The following GEN1 variants were observed in gnomAD, a reference collection of about 807,000 sequenced individuals.
GEN1 encodes GEN1 structure-specific endonuclease.
Under a neutral mutation model 67.6 loss-of-function variants are expected in GEN1, and 64 were observed. The observed-to-expected ratio is 0.95, with a 90% CI of 0.77 to 1.17. GEN1 has a LOEUF of 1.17. Among genes scored for constraint, GEN1 ranks in the 50% most tolerant of loss-of-function variants. GEN1 has a pLI of 0.00. For missense variants in GEN1, 1,058 were observed against 1,048.3 expected (o/e 1.01, Z -0.13); for synonymous variants, 371 against 359.4 (o/e 1.03, Z -0.37).
chr2:17,780,333 A>C (rs992967411), intron 13 of GEN1, among the ~76,000 whole-genome samples: 1 of 152,252 alleles, frequency 6.6e-6, no homozygotes, highest in African/African-American at 2.4e-5. Flanking sequence ...TAACTTAGAC[A>C]CGTGTTAATA....
rs375762702 is a variant in GEN1, at chr2:17,759,913, G to A, written c.-15-16G>A. On this transcript the variant is annotated splice_polypyrimidine_tract_variant and intron_variant, in intron 1 of 13. Coordinates refer to ENST00000381254, the MANE Select transcript of GEN1 (RefSeq NM_001130009.3). ...TTTCTTTAACAATATTTTGTAAAGT[G>A]TGTTTCACATAACAGCAGATAATCA... The A allele has an allele frequency of 6.8e-6, 11 of 1,607,648 alleles. No homozygotes were observed. In the African/African-American group the frequency reaches 1.1e-4, roughly 16 times the overall value.
At chr2:17,766,551 G>T (rs373690883) in intron 4 of GEN1, 28 bp from the exon 5 acceptor site, 52 of 1,174,168 alleles carry the variant, frequency 4.4e-5, no homozygotes, top group Non-Finnish European at 6.0e-5. Flanking sequence ...ACTTTTTGAG[G>T]ATTAAACTAA....
chr2:17,776,915 A>C (rs1672460012), intron 11 of GEN1, among the ~76,000 whole-genome samples: 1 of 152,188 alleles, frequency 6.6e-6, no homozygotes, highest in Non-Finnish European at 1.5e-5. Flanking sequence ...AGTTGAGGCC[A>C]GGGATTCTAG....
chr2:17,760,123 C>A lies in GEN1; in HGVS notation c.161+19C>A. ...ACCTCAGGTATAGTAAAAGCTCTTA[C>A]AGTATAAATGTATGATGTATAAACA... On this transcript the variant is annotated intron_variant, in intron 2 of 13. Transcript: ENST00000381254. 1.2e-6 allele frequency: 2 copies of A among 1,610,602 alleles called. No individual in the cohort carries two copies. Among genetic ancestry groups the A allele is most frequent in the South Asian group, 2.2e-5 (2 of 90,732 alleles).
At chr2:17,772,952 T>C in intron 8 of GEN1, 144 bp from the exon 9 acceptor site, 1 of 799,978 alleles carries the variant, frequency 1.3e-6, no homozygotes, top group Admixed American at 2.9e-5. Context: ...GATAGTAATG[T>C]AATAGTTATT....
intron 1 of GEN1, among the ~76,000 whole-genome samples, chr2:17,759,475 G>A (rs1301183688): frequency 6.6e-6 from 1 of 152,130 alleles, no homozygotes; most frequent in Non-Finnish European, 1.5e-5. Context: ...AGAAAGTTAT[G>A]TCCATCAGTA....
chr2:17,766,090 C>A (rs938719913), intron 4 of GEN1, among the ~76,000 whole-genome samples: 1 of 152,114 alleles, frequency 6.6e-6, no homozygotes, highest in Non-Finnish European at 1.5e-5. Context: ...ACTTTATTTT[C>A]ATATATTGAA....
In GEN1 at chr2:17,774,355, G is replaced by A. The variant is rs1463546541; in HGVS notation, c.1156G>A (p.Glu386Lys). The part of the protein sequence containing the change: ...LVLLTHYDMI[E>K]RKLGSRNSNQ... ...ACTTTTGACCCATTATGACATGATA[G>A]AAAGAAAGCTTGGTAGCAGAAACTC... The change falls in exon 11 of 14, where the codon GAA (glutamate) becomes AAA (lysine). Residue 386 changes from glutamate to lysine, a missense_variant. Transcript: ENST00000381254. The A allele has an allele frequency of 1.9e-6, 3 of 1,605,960 alleles. No individual in the cohort carries two copies. Among genetic ancestry groups the A allele is most frequent in the Admixed American group, 3.3e-5 (2 of 59,750 alleles).
At position 17,783,745 on chromosome 2, in the gene GEN1, A is replaced by C. The variant is rs1230470794; in HGVS notation, c.*1806A>C. 6.6e-6 allele frequency: 1 copy of C among 152,236 alleles called. No individual in the cohort carries two copies. The highest frequency in any genetic ancestry group is 1.9e-4 in the East Asian group (1 of 5,204). The allele number at this position is 152,236 out of a possible 1,614,324, so 9.4% of individuals were successfully genotyped here. On this transcript the variant is annotated 3_prime_UTR_variant, in exon 14 of 14. Transcript: ENST00000381254. ...CAGAGTGCCAAGACAATTCAATGGG[A>C]AAAGGAAACAGTCTTTGAACCAACT...
At chr2:17,756,416 G>T (rs1014037290) in intron 1 of GEN1, among the ~76,000 whole-genome samples, 33 of 152,136 alleles carry the variant, frequency 2.2e-4, no homozygotes, top group South Asian at 4.1e-4. Context: ...GACTTCTTTT[G>T]ATATATATAT....
At chr2:17,777,918 T>C in intron 11 of GEN1, 84 bp from the exon 12 acceptor site, 1 of 732,974 alleles carries the variant, frequency 1.4e-6, no homozygotes, top group South Asian at 1.6e-5. Context: ...GAAAAAAAAA[T>C]CTATGGAAAT....
chr2:17,764,974 C>A lies in GEN1; in HGVS notation c.426C>A (p.Leu142=). ...AAGCTGAAGCCATGTGTGCTTATCT[C>A]AATGCTGGTGGTCATGTCGATGGCT... ...AGEAEAMCAY[L]NAGGHVDGCL... is the part of the protein sequence containing the mutation. The change falls in exon 4 of 14, where the codon CTC becomes CTA. Residue 142 remains leucine (L), a synonymous_variant. Transcript: ENST00000381254. 2 of 1,614,108 alleles carry A rather than the reference C, an allele frequency of 1.2e-6. No individual in the cohort carries two copies. The highest frequency in any genetic ancestry group is 1.7e-6 in the Non-Finnish European group (2 of 1,180,010).
At position 17,772,724 on chromosome 2, in the gene GEN1, G is replaced by A. The variant is rs374326909; in HGVS notation, c.893G>A (p.Cys298Tyr). ...CATGACTATGAATACTGCTGTCCTT[G>A]TGAGTGGCACCGTACAGAACATGAT... is the stretch of plus-strand genomic sequence containing the variant. ...EPHDYEYCCP[C>Y]EWHRTEHDRQ... Residue 298 changes from cysteine to tyrosine, a missense_variant, in exon 8 of 14, where the codon TGT (cysteine) becomes TAT (tyrosine). By Grantham distance (194) the Cys-to-Tyr change is radical (BLOSUM62 -2). Coordinates refer to ENST00000381254, the MANE Select transcript of GEN1 (RefSeq NM_001130009.3). 8.1e-6 allele frequency: 13 copies of A among 1,612,106 alleles called. No homozygotes were observed. In the South Asian group the frequency reaches 8.8e-5, roughly 11 times the overall value.
intron 4 of GEN1, among the ~76,000 whole-genome samples, chr2:17,765,631 G>A (rs1007640630): frequency 1.3e-5 from 2 of 152,114 alleles, no homozygotes; most frequent in Non-Finnish European, 2.9e-5. Flanking sequence ...TAAACCTTCT[G>A]CCAGACATTT....
At position 17,781,795 on chromosome 2, in the gene GEN1, A is replaced by G; in HGVS notation, c.2583A>G (p.Glu861=). ...GTGTCAGATCTTATGAAACAGCTGA[A>G]AATGAAGAAAGCTGTTTCCCAGATT... ...EQCVRSYETA[E]NEESCFPDST... The change falls in exon 14 of 14, where the codon GAA becomes GAG. Residue 861 remains glutamate, a synonymous_variant. Transcript: ENST00000381254. The G allele has an allele frequency of 6.2e-7, 1 of 1,612,610 alleles. No homozygotes were observed. Among genetic ancestry groups the G allele is most frequent in the East Asian group, 2.2e-5 (1 of 44,852 alleles).
chr2:17,755,799 AT>A (rs1428815920), intron 1 of GEN1: 1 of 152,192 alleles, frequency 6.6e-6, no homozygotes, highest in East Asian at 1.9e-4. Context: ...AATTTGATTC[AT>A]TAGTGAAATT....
chr2:17,768,931 T>C, intron 6 of GEN1, 120 bp downstream of exon 6: 1 of 527,514 alleles, frequency 1.9e-6, no homozygotes, highest in Non-Finnish European at 3.3e-6. Flanking sequence ...AACTGACCTA[T>C]ATTTTGTTTG....
chr2:17,772,124 C>G (rs1672217824), intron 7 of GEN1, among the ~76,000 whole-genome samples: 1 of 152,010 alleles, frequency 6.6e-6, no homozygotes, highest in Non-Finnish European at 1.5e-5. Context: ...ACCCGTGCCA[C>G]AGTCATCATT....
At chr2:17,776,367 T>C (rs891904957) in intron 11 of GEN1, among the ~76,000 whole-genome samples, 11 of 152,308 alleles carry the variant, frequency 7.2e-5, no homozygotes, top group Non-Finnish European at 1.5e-4. Context: ...AATTTGAATA[T>C]GGTCTATATT....
Sources: allele counts gnomAD v4.1 joint callset (sites outside exome capture counted in the v4.1 genomes callset), GRCh38; gene constraint gnomAD v4.1.1; transcripts MANE v1.5; gene names NCBI Gene and HGNC (gene_info 2026-07-23, HGNC 2026-07-21).